CASD1: variants seen among roughly 807,000 people sequenced by gnomAD.
CASD1 encodes N-acetylneuraminate (7)9-O-acetyltransferase.
In CASD1, 41 loss-of-function variants were observed where a neutral mutation model predicts 100.0. The observed-to-expected ratio is 0.41, with a 90% CI of 0.32 to 0.53. The LOEUF (loss-of-function observed/expected upper bound fraction) is 0.53, where lower values mean the gene tolerates loss of function less well. Among genes scored for constraint, CASD1 ranks in the 20% least tolerant of loss-of-function variants. CASD1 has a pLI of 0.25. For synonymous variants in CASD1, 321 were observed against 315.6 expected, an observed-to-expected ratio of 1.02 and a Z score of -0.18; for missense variants, 774 against 948.7, an observed-to-expected ratio of 0.82 and a Z score of 2.42.
At chr7:94,517,287 G>C (rs1052976739) in intron 1 of CASD1, among the ~76,000 whole-genome samples, 1 of 152,150 alleles carries the variant, frequency 6.6e-6, no homozygotes, top group Admixed American at 6.5e-5. Context: ...AATGTCCCCG[G>C]AAAGAAAACC....
intron 1 of CASD1, among the ~76,000 whole-genome samples, chr7:94,516,506 C>T (rs1424828315): frequency 6.6e-6 from 1 of 152,182 alleles, no homozygotes; most frequent in African/African-American, 2.4e-5. Context: ...CTCCTTAGCC[C>T]GACTTTAACT....
chr7:94,546,889 T>C (rs1183436871), intron 12 of CASD1, among the ~76,000 whole-genome samples: 1 of 151,822 alleles, frequency 6.6e-6, no homozygotes, highest in African/African-American at 2.4e-5. Flanking sequence ...AGTTATACTT[T>C]ATAGCCTCAT....
At chr7:94,631,080 A>G in the CASD1 span, among the ~76,000 whole-genome samples, 1 of 151,932 alleles carries the variant, frequency 6.6e-6, no homozygotes, top group Admixed American at 6.6e-5. Context: ...TGTGTAACAG[A>G]GGGAAGGAAG....
At chr7:94,534,777 C>T (rs1369767698) in intron 7 of CASD1, among the ~76,000 whole-genome samples, 1 of 152,138 alleles carries the variant, frequency 6.6e-6, no homozygotes, top group Admixed American at 6.5e-5. Context: ...TTCACAGACT[C>T]ATTGTTAACC....
At chr7:94,576,413 G>A in the CASD1 span, among the ~76,000 whole-genome samples, 1 of 152,172 alleles carries the variant, frequency 6.6e-6, no homozygotes, top group Non-Finnish European at 1.5e-5. Flanking sequence ...CTGTATGCCC[G>A]AAGCCCTGAA....
At chr7:94,520,642 A>C (rs572703629) in intron 3 of CASD1, among the ~76,000 whole-genome samples, 1 of 152,200 alleles carries the variant, frequency 6.6e-6, no homozygotes, top group African/African-American at 2.4e-5. Flanking sequence ...ATGTCAAACC[A>C]ACTGGAGCCT....
At chr7:94,539,308 A>C (rs1260511463) in intron 10 of CASD1, among the ~76,000 whole-genome samples, 4 of 152,210 alleles carry the variant, frequency 2.6e-5, no homozygotes, top group Non-Finnish European at 2.9e-5. Flanking sequence ...AACATAATAG[A>C]AATAGCTGAT....
At chr7:94,563,349 C>G in the CASD1 span, among the ~76,000 whole-genome samples, 3 of 152,098 alleles carry the variant, frequency 2.0e-5, no homozygotes, top group Non-Finnish European at 4.4e-5. Context: ...CTGGAAAACT[C>G]TTATACATAG....
chr7:94,563,054 T>G, the CASD1 span, among the ~76,000 whole-genome samples: 1 of 152,146 alleles, frequency 6.6e-6, no homozygotes, highest in African/African-American at 2.4e-5. Flanking sequence ...AACCCTATCT[T>G]ACATACAAAG....
At chr7:94,629,900 T>A in the CASD1 span, 1 of 1,596,076 alleles carries the variant, frequency 6.3e-7, no homozygotes. Context: ...ACGCCCTTGA[T>A]AATTCAGCTT....
At chr7:94,575,519 G>GT in the CASD1 span, among the ~76,000 whole-genome samples, 18 of 152,078 alleles carry the variant, frequency 1.2e-4, no homozygotes, top group Non-Finnish European at 2.2e-4. Flanking sequence ...TGCATACTCT[G>GT]TTTTTTTGGG....
At chr7:94,604,992 T>A in the CASD1 span, among the ~76,000 whole-genome samples, 1 of 151,480 alleles carries the variant, frequency 6.6e-6, no homozygotes, top group Non-Finnish European at 1.5e-5. Context: ...TGAAAACTAA[T>A]CATAGAATTA....
At chr7:94,588,617 T>C in the CASD1 span, 1 of 1,552,264 alleles carries the variant, frequency 6.4e-7, no homozygotes, top group Non-Finnish European at 8.8e-7. Flanking sequence ...TCATAAATTA[T>C]ATAGTGCCAT....
chr7:94,583,565 A>T, the CASD1 span, among the ~76,000 whole-genome samples: 1 of 152,140 alleles, frequency 6.6e-6, no homozygotes, highest in Non-Finnish European at 1.5e-5. Flanking sequence ...TTGAACCTAG[A>T]CCTTCCTCAA....
At chr7:94,598,501 C>T in the CASD1 span, 3 of 385,334 alleles carry the variant, frequency 7.8e-6, no homozygotes, top group Non-Finnish European at 1.4e-5. Flanking sequence ...TTTGAGCAAA[C>T]ATGTAATGTT....
At chr7:94,606,937 T>A in the CASD1 span, among the ~76,000 whole-genome samples, 1 of 152,076 alleles carries the variant, frequency 6.6e-6, no homozygotes, top group Admixed American at 6.5e-5. Context: ...CCATAACTTA[T>A]CAAAATGTTT....
Position 94,533,262 on chromosome 7 carries a change from CTG to C in CASD1, c.504+15_504+16del. 1 of 1,598,300 alleles carries C rather than the reference CTG, an allele frequency of 6.3e-7. No homozygotes were observed. The highest frequency in any genetic ancestry group is 8.6e-7 in the Non-Finnish European group (1 of 1,167,844). Reference sequence around the variant, plus strand: ...AGGAGCTGCCACAGTAAGTTATCATCTGTATTCTTACTTAATGATTTTGTTTC... The same window carrying C: ...AGGAGCTGCCACAGTAAGTTATCATCTATTCTTACTTAATGATTTTGTTTC... On this transcript the variant is annotated intron_variant, in intron 6 of 17. Transcript: ENST00000297273.
In CASD1 at chr7:94,527,216, T is replaced by G. The variant is rs1232464803; in HGVS notation, c.396+10T>G. The G allele has an allele frequency of 6.3e-7, 1 of 1,590,384 alleles. No homozygotes were observed. Among genetic ancestry groups the G allele is most frequent in the Admixed American group, 1.7e-5 (1 of 59,862 alleles). ...TGCATCAGTTAAAGTGGTAAGTTCA[T>G]GTAATAGTAAGCTAGATGTTACAAT... On this transcript the variant is annotated intron_variant, in intron 4 of 17. Transcript: ENST00000297273.
the CASD1 span, chr7:94,586,953 A>C: frequency 2.1e-6 from 2 of 974,896 alleles, no homozygotes; most frequent in Non-Finnish European, 2.4e-6. Flanking sequence ...CCAAGAGGAG[A>C]TACTGTACTT....
Sources: gnomAD v4.1 joint callset for allele counts (sites outside exome capture counted in the v4.1 genomes callset) on GRCh38, gnomAD v4.1.1 for gene constraint, MANE v1.5 for transcripts, NCBI Gene and HGNC (gene_info 2026-07-23, HGNC 2026-07-21) for gene names.